Variants in MED13 observed in about 807,000 individuals in gnomAD.
The protein encoded by MED13 is mediator complex subunit 13, also known as mediator of RNA polymerase II transcription subunit 13.
In MED13, 23 loss-of-function variants were observed where a neutral mutation model predicts 225.2. The ratio of observed to expected loss-of-function variants is 0.10; its 90% CI spans 0.07 to 0.14. The LOEUF is 0.14. Ranked by LOEUF, MED13 falls within the 10% of genes least tolerant of loss-of-function variation. The probability of loss-of-function intolerance (pLI) is 1.00; values close to 1 mark genes in which losing one functional copy is unlikely to be tolerated. For missense variants in MED13, 2,197 were observed against 2,594.5 expected (o/e 0.85, Z 3.33); for synonymous variants, 942 against 889.2 (o/e 1.06, Z -1.06).
intron 8 of MED13, among the ~76,000 whole-genome samples, chr17:62,025,065 C>T (rs918373654): frequency 6.6e-6 from 1 of 152,084 alleles, no homozygotes; most frequent in Admixed American, 6.6e-5. Context: ...TAGGATTGCT[C>T]GGTCAAATGG....
intron 2 of MED13, among the ~76,000 whole-genome samples, chr17:62,060,490 G>A (rs2081029980): frequency 6.6e-6 from 1 of 151,394 alleles, no homozygotes; most frequent in African/African-American, 2.4e-5. Flanking sequence ...CGTGGTGGTG[G>A]GCGCCTGTAG....
chr17:62,022,937 G>C (rs1298942762), intron 8 of MED13, among the ~76,000 whole-genome samples: 1 of 151,772 alleles, frequency 6.6e-6, no homozygotes, highest in Admixed American at 6.6e-5. Flanking sequence ...TTCAGCCCAG[G>C]AGTTTGAGGC....
intron 15 of MED13, 74 bp downstream of exon 15, chr17:61,984,097 A>C: frequency 1.1e-5 from 12 of 1,119,004 alleles, no homozygotes; most frequent in Non-Finnish European, 1.4e-5. Context: ...TTTCCAGCAT[A>C]CCAGGTAAAT....
chr17:62,031,572 C>A lies in MED13; in HGVS notation c.881G>T (p.Ser294Ile). ...LVPQSDIPTP[S>I]PVGSTHCSSS... ...TGAACAGTGAGTGGATCCCACAGGG[C>A]TAGGAGTAGGAATGTCTGACTGAGG... is the stretch of plus-strand genomic sequence containing the variant. The change falls in exon 6 of 30, where the codon AGC becomes ATC. Residue 294 changes from serine (S) to isoleucine (I), a missense_variant. Physicochemically the swap from Ser to Ile is moderately radical, Grantham distance 142 (BLOSUM62 -2). Around this residue, in one of 12 missense-constraint regions of MED13, gnomAD observed 884 missense variants for 918.5 expected, o/e 0.96. Coordinates refer to ENST00000397786, the MANE Select transcript of MED13 (RefSeq NM_005121.3). The A allele has an allele frequency of 6.2e-7, 1 of 1,613,688 alleles. No individual in the cohort carries two copies. Among genetic ancestry groups the A allele is most frequent in the Non-Finnish European group, 8.5e-7 (1 of 1,179,874 alleles).
intron 8 of MED13, among the ~76,000 whole-genome samples, chr17:62,016,174 ACAAC>A (rs1567980424): frequency 7.0e-5 from 10 of 142,376 alleles, no homozygotes; most frequent in African/African-American, 1.6e-4. Flanking sequence ...ACCAAGAACA[ACAAC>A]AAAAAAAAAA....
intron 9 of MED13, among the ~76,000 whole-genome samples, chr17:62,000,583 T>C (rs2080386143): frequency 6.6e-6 from 1 of 152,204 alleles, no homozygotes; most frequent in Non-Finnish European, 1.5e-5. Context: ...AACCTAGGTA[T>C]ATGCCAGCAT....
Position 62,063,629 on chromosome 17 carries a change from C to G in MED13, c.67-328G>C, listed in dbSNP as rs533469958. 2.0e-4 allele frequency among the ~76,000 whole-genome samples: 31 copies of G among 152,322 alleles called. 1 individual carries two copies. In the East Asian group the frequency reaches 6.0e-3, roughly 29 times the overall value. On this transcript the variant is annotated intron_variant, in intron 1 of 29. Transcript: ENST00000397786. ...TACATTTTTCTCTGTCCTAACTGGT[C>G]ACATTTGTTCACTGGTGTCAAACTT...
chr17:62,015,038 T>C (rs2080549457), intron 8 of MED13, among the ~76,000 whole-genome samples: 1 of 152,174 alleles, frequency 6.6e-6, no homozygotes, highest in Admixed American at 6.5e-5. Context: ...GGAACTGACC[T>C]AGTTTTACCA....
At chr17:62,015,860 AGTGT>A (rs1226381654) in intron 8 of MED13, among the ~76,000 whole-genome samples, 10 of 93,358 alleles carry the variant, frequency 1.1e-4, no homozygotes, top group African/African-American at 3.6e-4. Flanking sequence ...ATATGTGTAT[AGTGT>A]GTATGTGTGT....
At chr17:61,955,189 G>T in intron 26 of MED13, 193 bp downstream of exon 26, 1 of 416,638 alleles carries the variant, frequency 2.4e-6, no homozygotes, top group South Asian at 6.1e-5. Context: ...CTTCTTATAA[G>T]AACACATGTT....
At position 61,965,431 on chromosome 17, in the gene MED13, T is replaced by C. The variant is rs769734786; in HGVS notation, c.4419A>G (p.Leu1473=). 3.8e-5 allele frequency: 61 copies of C among 1,613,942 alleles called. No individual in the cohort carries two copies. The highest frequency in any genetic ancestry group is 4.7e-5 in the Non-Finnish European group (55 of 1,179,994). ...GGGCAACTAAATTTGGCTGGGAAAG[T>C]AGAGAGCTGTCCAATGGCAGGGAAG... ...YLASLPLDSS[L]LSQPNLVAPT... Residue 1473 remains leucine (L), a synonymous_variant, in exon 20 of 30, where the codon CTA becomes CTG. Transcript: ENST00000397786.
intron 3 of MED13, among the ~76,000 whole-genome samples, chr17:62,047,865 C>T (rs891661188): frequency 1.3e-5 from 2 of 151,656 alleles, no homozygotes; most frequent in African/African-American, 2.4e-5. Flanking sequence ...TGGTGGATTA[C>T]AGGTGTGAGC....
chr17:62,061,212 T>C (rs2143784993), intron 2 of MED13, among the ~76,000 whole-genome samples: 1 of 152,220 alleles, frequency 6.6e-6, no homozygotes, highest in Admixed American at 6.5e-5. Flanking sequence ...ACTTTCACAA[T>C]ATTTTTTCTA....
intron 9 of MED13, chr17:62,004,510 A>G (rs1054909415): frequency 6.6e-6 from 1 of 151,770 alleles, no homozygotes; most frequent in Non-Finnish European, 1.5e-5. Flanking sequence ...ATCCAATTCT[A>G]AAAGGCCATG....
At position 61,990,303 on chromosome 17, in the gene MED13, TAC is replaced by T. The variant is rs890497375; in HGVS notation, c.2263+2235_2263+2236del. On this transcript the variant is annotated intron_variant, in intron 11 of 29. Transcript: ENST00000397786. Reference sequence around the variant, plus strand: ...CACTATATATACATACACACACATATACACACACACATATATATACACACTCA... The same window carrying T: ...CACTATATATACATACACACACATATACACACACATATATATACACACTCA... Among the ~76,000 whole-genome samples, 11 of 151,936 alleles carry T rather than the reference TAC, an allele frequency of 7.2e-5. No individual in the cohort carries two copies. In the South Asian group the frequency reaches 1.0e-3, roughly 14 times the overall value.
At chr17:62,021,677 T>C (rs2080649158) in intron 8 of MED13, among the ~76,000 whole-genome samples, 1 of 152,250 alleles carries the variant, frequency 6.6e-6, no homozygotes, top group African/African-American at 2.4e-5. Context: ...AAAAATAATT[T>C]TGAGGATAGT....
rs1164462544 is a variant in MED13 at position 61,969,502 on chromosome 17, T to A, written c.3968-1244A>T. ...GCCTAGGCAACATAGTGAGACACCA[T>A]CCTTATTTATACATTTAAAAATAAT... On this transcript the variant is annotated intron_variant, in intron 17 of 29. Transcript: ENST00000397786. Among the ~76,000 whole-genome samples, 9 of 152,110 alleles carry A rather than the reference T, an allele frequency of 5.9e-5. No homozygotes were observed. The East Asian group carries it at 1.5e-3, about 26-fold the overall frequency.
chr17:61,995,289 G>A lies in MED13; in HGVS notation c.2044C>T (p.Leu682Phe). ...TCTGCATCAGATGCTATTGCTGAAA[G>A]ACACTGGTTTTTAATTTGATATTGC... ...VQQYQIKNQC[L>F]SAIASDAEQE... The change falls in exon 10 of 30, where the codon CTT (leucine) becomes TTT (phenylalanine). Residue 682 changes from leucine to phenylalanine, a missense_variant. Leu to Phe is a conservative substitution (Grantham distance 22). Around this residue, in one of 12 missense-constraint regions of MED13, gnomAD observed 884 missense variants for 918.5 expected, o/e 0.96. Coordinates refer to ENST00000397786, the MANE Select transcript of MED13 (RefSeq NM_005121.3). 1 of 1,613,774 alleles carries A rather than the reference G, an allele frequency of 6.2e-7. No homozygotes were observed.
chr17:62,055,430 A>G (rs904528100), intron 2 of MED13, among the ~76,000 whole-genome samples: 5 of 152,308 alleles, frequency 3.3e-5, no homozygotes, highest in African/African-American at 1.2e-4. Context: ...GTAAAAGCTA[A>G]AGCACAATTT....
Sources: allele counts gnomAD v4.1 joint callset (sites outside exome capture counted in the v4.1 genomes callset), GRCh38; gene constraint gnomAD v4.1.1; regional missense constraint gnomAD v4.1.1; transcripts MANE v1.5; gene names NCBI Gene and HGNC (gene_info 2026-07-23, HGNC 2026-07-21).